The following UBE2D3 variants were observed in gnomAD, a reference collection of about 807,000 sequenced individuals.
UBE2D3 encodes the protein ubiquitin-conjugating enzyme E2 D3.
UBE2D3 carries 2 observed loss-of-function variants against 22.8 expected under a neutral mutation model. The ratio of observed to expected loss-of-function variants is 0.09; its 90% CI spans 0.04 to 0.28. The LOEUF is 0.28. UBE2D3 is among the 10% of genes least tolerant of loss of function. UBE2D3 has a pLI of 1.00. For missense variants in UBE2D3, 27 were observed against 182.5 expected (o/e 0.15, Z 4.91); for synonymous variants, 56 against 60.4 (o/e 0.93, Z 0.34).
chr4:102,834,421 C>T (rs1447889690), intron 1 of UBE2D3, among the ~76,000 whole-genome samples: 1 of 152,086 alleles, frequency 6.6e-6, no homozygotes, highest in Non-Finnish European at 1.5e-5. Context: ...AGCCCCCAAT[C>T]CCTGCCTAAC....
chr4:102,820,805 C>G (rs1729484792), intron 2 of UBE2D3, among the ~76,000 whole-genome samples: 1 of 152,092 alleles, frequency 6.6e-6, no homozygotes, highest in African/African-American at 2.4e-5. Flanking sequence ...CATTCAATTA[C>G]ACATTAGCCA....
intron 1 of UBE2D3, among the ~76,000 whole-genome samples, chr4:102,868,383 T>C (rs1056590338): frequency 6.6e-6 from 1 of 152,126 alleles, no homozygotes; most frequent in African/African-American, 2.4e-5. Context: ...TGGATTCTTT[T>C]ACCACTTTCC....
At chr4:102,851,665 G>GT (rs1209780858) in intron 1 of UBE2D3, among the ~76,000 whole-genome samples, 2 of 118,320 alleles carry the variant, frequency 1.7e-5, no homozygotes, top group Non-Finnish European at 3.3e-5. Context: ...GTTTTGTTTT[G>GT]TTTTTTGTTT....
intron 2 of UBE2D3, among the ~76,000 whole-genome samples, chr4:102,819,934 AT>A: frequency 6.6e-6 from 1 of 152,364 alleles, no homozygotes; most frequent in East Asian, 1.9e-4. Flanking sequence ...AAAAGACAAG[AT>A]TTGTATGACT....
chr4:102,804,338 T>C (rs914777467), intron 4 of UBE2D3, among the ~76,000 whole-genome samples: 22 of 151,930 alleles, frequency 1.4e-4, no homozygotes, highest in Admixed American at 1.3e-4. Context: ...AATTTTTTAT[T>C]TTTAGTAGAG....
chr4:102,848,921 CTGTGTGTGTGTGTGTG>C (rs147050383), intron 1 of UBE2D3, among the ~76,000 whole-genome samples: 218 of 142,828 alleles, frequency 1.5e-3, no homozygotes, highest in African/African-American at 4.5e-3. Flanking sequence ...TTATGTGTGC[CTGTGTGTGTGTGTGTG>C]TGTGTGTGTG....
chr4:102,811,803 G>A, intron 2 of UBE2D3: 1 of 442,520 alleles, frequency 2.3e-6, no homozygotes, highest in South Asian at 1.6e-5. Flanking sequence ...GACAGCTTGA[G>A]CGCAGGAGTT....
chr4:102,826,436 G>C lies in UBE2D3; in HGVS notation c.24+49C>G, dbSNP rs767010247. ...CACCCCCACGCTTTCCTCTTGGCCC[G>C]AGCCTTCCTTTTCTCCTACCACCCC... On this transcript the variant is annotated intron_variant, in intron 2 of 7. Transcript: ENST00000453744. 5 of 1,610,602 alleles carry C rather than the reference G, an allele frequency of 3.1e-6. No homozygotes were observed. The African/African-American group carries it at 5.4e-5, about 17-fold the overall frequency.
At chr4:102,833,511 G>C (rs1731224575) in intron 1 of UBE2D3, among the ~76,000 whole-genome samples, 1 of 152,170 alleles carries the variant, frequency 6.6e-6, no homozygotes, top group Non-Finnish European at 1.5e-5. Flanking sequence ...AGTAATTATA[G>C]ATTACTAAAA....
intron 2 of UBE2D3, chr4:102,819,600 CTT>C (rs1729271610): frequency 1.0e-6 from 1 of 985,354 alleles, no homozygotes; most frequent in Admixed American, 6.1e-5. Context: ...CCATAAATAA[CTT>C]ATTCTAGGTT....
chr4:102,797,580 A>G (rs1442901574), intron 7 of UBE2D3, 120 bp from the exon 8 acceptor site: 3 of 656,534 alleles, frequency 4.6e-6, no homozygotes, highest in African/African-American at 1.9e-5. Context: ...TCTAATGACT[A>G]TGATTAGAAT....
At chr4:102,809,196 A>G (rs1560852904) in intron 4 of UBE2D3, 1 of 331,538 alleles carries the variant, frequency 3.0e-6, no homozygotes, top group Middle Eastern at 4.8e-4. Context: ...TATATTCAAA[A>G]TATCACTTTC....
At chr4:102,836,717 G>A (rs1384515449) in intron 1 of UBE2D3, among the ~76,000 whole-genome samples, 1 of 152,204 alleles carries the variant, frequency 6.6e-6, no homozygotes, top group Non-Finnish European at 1.5e-5. Flanking sequence ...TGTAATAGGT[G>A]TGTAGTGGTA....
At chr4:102,851,977 CAT>C (rs1732382363) in intron 1 of UBE2D3, among the ~76,000 whole-genome samples, 1 of 152,086 alleles carries the variant, frequency 6.6e-6, no homozygotes, top group Non-Finnish European at 1.5e-5. Flanking sequence ...GCAGAACCCC[CAT>C]ATGTTAGCTG....
chr4:102,823,852 A>G (rs1041064170), intron 2 of UBE2D3, among the ~76,000 whole-genome samples: 13 of 152,370 alleles, frequency 8.5e-5, no homozygotes, highest in African/African-American at 3.1e-4. Flanking sequence ...TCCAATAATC[A>G]TTTCAGTAAA....
chr4:102,839,102 T>A (rs1366081318), intron 1 of UBE2D3, among the ~76,000 whole-genome samples: 1 of 152,092 alleles, frequency 6.6e-6, no homozygotes, highest in African/African-American at 2.4e-5. Context: ...AAAAGATAAA[T>A]CTACAGCTAA....
intron 1 of UBE2D3, among the ~76,000 whole-genome samples, chr4:102,839,193 T>TA (rs1376354380): frequency 6.6e-6 from 1 of 152,214 alleles, no homozygotes; most frequent in Admixed American, 6.5e-5. Context: ...GAAACTGTCT[T>TA]ACACTTTAGG....
chr4:102,826,877 G>A, intron 1 of UBE2D3: 10 of 1,078,254 alleles, frequency 9.3e-6, no homozygotes, highest in Non-Finnish European at 1.0e-5. Context: ...GGGAGAGGAA[G>A]AGGCGTAGGA....
chr4:102,799,034 A>G, intron 7 of UBE2D3: 1 of 1,499,588 alleles, frequency 6.7e-7, no homozygotes, highest in Non-Finnish European at 9.3e-7. Context: ...ATAATGGTTA[A>G]GTTGAACATA....
Sources: gnomAD v4.1 joint callset for allele counts (sites outside exome capture counted in the v4.1 genomes callset) on GRCh38, gnomAD v4.1.1 for gene constraint, MANE v1.5 for transcripts, NCBI Gene and HGNC (gene_info 2026-07-23, HGNC 2026-07-21) for gene names.